Variants in LUZP2 observed in about 807,000 individuals in gnomAD.
The protein encoded by LUZP2 is leucine zipper protein 2.
LUZP2 carries 52 observed loss-of-function variants against 51.6 expected under a neutral mutation model. The ratio of observed to expected loss-of-function variants is 1.01; its 90% CI spans 0.81 to 1.27. The LOEUF (loss-of-function observed/expected upper bound fraction) is 1.27. Among genes scored for constraint, LUZP2 ranks in the 50% most tolerant of loss-of-function variants. The probability of loss-of-function intolerance (pLI) is 0.00; values close to 1 mark genes in which losing one functional copy is unlikely to be tolerated. For synonymous variants in LUZP2, 154 were observed against 137.3 expected (o/e 1.12, Z -0.85); for missense variants, 436 against 395.4 (o/e 1.10, Z -0.87).
At chr11:24,554,353 G>T (rs1851806337) in intron 1 of LUZP2, among the ~76,000 whole-genome samples, 1 of 151,918 alleles carries the variant, frequency 6.6e-6, no homozygotes, top group South Asian at 2.1e-4. Context: ...AATGTATTTG[G>T]CATGAAAGTA....
At chr11:24,747,653 G>A (rs943325667) in intron 4 of LUZP2, among the ~76,000 whole-genome samples, 1 of 152,048 alleles carries the variant, frequency 6.6e-6, no homozygotes, top group Non-Finnish European at 1.5e-5. Flanking sequence ...GGCTACCAGG[G>A]TGCATAGGGA....
intron 1 of LUZP2, among the ~76,000 whole-genome samples, chr11:24,550,347 C>T (rs1851688776): frequency 3.9e-5 from 6 of 152,034 alleles, no homozygotes. Context: ...ATCAATTACA[C>T]ACATTATTTC....
intron 10 of LUZP2, among the ~76,000 whole-genome samples, chr11:25,052,504 C>G (rs1035199081): frequency 1.3e-5 from 2 of 152,140 alleles, no homozygotes; most frequent in African/African-American, 4.8e-5. Context: ...CATAAGAACC[C>G]TCTGGGGAGC....
chr11:24,979,712 G>C (rs776435411), intron 8 of LUZP2, among the ~76,000 whole-genome samples: 3 of 151,738 alleles, frequency 2.0e-5, no homozygotes, highest in Non-Finnish European at 4.4e-5. Flanking sequence ...TCAGCTACTG[G>C]AATATAAAAG....
chr11:24,886,570 A>G (rs1852672408), intron 5 of LUZP2, among the ~76,000 whole-genome samples: 1 of 152,202 alleles, frequency 6.6e-6, no homozygotes, highest in Non-Finnish European at 1.5e-5. Context: ...TTATAAGAAG[A>G]ACATTCTTTA....
chr11:24,700,849 GAT>G (rs542991802), intron 1 of LUZP2, among the ~76,000 whole-genome samples: 6 of 151,926 alleles, frequency 3.9e-5, no homozygotes, highest in Non-Finnish European at 7.4e-5. Context: ...AAAATTAAAA[GAT>G]ATATATATGA....
chr11:24,727,411 G>T (rs911045587), intron 1 of LUZP2, among the ~76,000 whole-genome samples: 1 of 151,986 alleles, frequency 6.6e-6, no homozygotes, highest in East Asian at 1.9e-4. Flanking sequence ...TATAAAATAG[G>T]TACGGATGTG....
intron 5 of LUZP2, among the ~76,000 whole-genome samples, chr11:24,894,438 G>A (rs1333725598): frequency 6.6e-6 from 1 of 152,130 alleles, no homozygotes; most frequent in Non-Finnish European, 1.5e-5. Context: ...GCCTCCCAAA[G>A]TGTTGGGATT....
At chr11:25,037,031 C>G (rs1857887752) in intron 9 of LUZP2, among the ~76,000 whole-genome samples, 1 of 152,040 alleles carries the variant, frequency 6.6e-6, no homozygotes, top group Non-Finnish European at 1.5e-5. Flanking sequence ...CCTCGATGAT[C>G]TGTCTAATTC....
At chr11:24,939,883 T>A (rs541072933) in intron 7 of LUZP2, among the ~76,000 whole-genome samples, 1 of 152,286 alleles carries the variant, frequency 6.6e-6, no homozygotes, top group Non-Finnish European at 1.5e-5. Context: ...GGACATCACC[T>A]TTCTTCTCAG....
At chr11:24,550,371 A>C (rs1288955939) in intron 1 of LUZP2, among the ~76,000 whole-genome samples, 1 of 152,154 alleles carries the variant, frequency 6.6e-6, no homozygotes. Context: ...TTTGACTAAT[A>C]CAATTATAAA....
intron 3 of LUZP2, among the ~76,000 whole-genome samples, chr11:24,734,758 A>T (rs966926751): frequency 6.6e-6 from 1 of 151,984 alleles, no homozygotes; most frequent in African/African-American, 2.4e-5. Flanking sequence ...AAGAGAAAAA[A>T]TATCACCTTT....
At position 25,080,283 on chromosome 11, in the gene LUZP2, T is replaced by C. The variant is rs1650389773; in HGVS notation, c.*1625T>C. 1 of 152,150 alleles carries C rather than the reference T, an allele frequency of 6.6e-6. No individual in the cohort carries two copies. The highest frequency in any genetic ancestry group is 2.1e-4 in the South Asian group (1 of 4,826). The allele number at this position is 152,150 out of a possible 1,614,324, so 9.4% of individuals were successfully genotyped here. On this transcript the variant is annotated 3_prime_UTR_variant, in exon 12 of 12. Coordinates refer to ENST00000336930, the MANE Select transcript of LUZP2 (RefSeq NM_001009909.4). ...ATAAAATAGGGTTTGTGTTAGACAA[T>C]TTGCCCAACTGTAGGATGAGGTATA... is the stretch of plus-strand genomic sequence containing the variant.
chr11:25,045,487 A>G (rs4923235), intron 9 of LUZP2, among the ~76,000 whole-genome samples: 1 of 151,812 alleles, frequency 6.6e-6, no homozygotes, highest in African/African-American at 2.4e-5. Context: ...CTAAAATGTC[A>G]AAGTCCCATA....
intron 5 of LUZP2, chr11:24,785,883 C>CTT: frequency 1.0e-6 from 1 of 985,322 alleles, no homozygotes; most frequent in Non-Finnish European, 1.2e-6. Flanking sequence ...CCTAAAAATA[C>CTT]TTTGTTCCAA....
In LUZP2 at chr11:24,914,509, C is replaced by T. The variant is rs1215809915; in HGVS notation, c.493C>T (p.Arg165Cys). The part of the protein sequence containing the change: ...KKIQAQLKEL[R>C]YGKKDLLFKA... ...AATCCAAGCCCAGCTGAAGGAGCTT[C>T]GTTATGGGAAGAAGGATTTATTATT... Residue 165 changes from arginine to cysteine, a missense_variant, in exon 7 of 12, where the codon CGT becomes TGT. Transcript: ENST00000336930. 4.3e-6 allele frequency: 7 copies of T among 1,609,380 alleles called. No homozygotes were observed. Among genetic ancestry groups the T allele is most frequent in the East Asian group, 4.5e-5 (2 of 44,606 alleles).
intron 7 of LUZP2, among the ~76,000 whole-genome samples, chr11:24,965,480 A>G (rs1349913346): frequency 1.3e-5 from 2 of 151,684 alleles, no homozygotes; most frequent in African/African-American, 4.8e-5. Flanking sequence ...TTGTGCTTTA[A>G]TAACTCACAA....
rs79848174 is a variant in LUZP2 at position 24,596,420 on chromosome 11, T to A, written c.62+99115T>A. On this transcript the variant is annotated intron_variant, in intron 1 of 11. Transcript: ENST00000336930. ...TTTGAACTAAACTTAATGAGAGATT[T>A]GTAGGACTTTTATGCAATAATAGGA... is the stretch of plus-strand genomic sequence containing the variant. Among the ~76,000 whole-genome samples, 1,286 of 152,310 alleles carry A rather than the reference T, an allele frequency of 8.4e-3. 15 individuals carry two copies. Among genetic ancestry groups the A allele is most frequent in the African/African-American group, 0.028 (1,166 of 41,568 alleles).
intron 7 of LUZP2, among the ~76,000 whole-genome samples, chr11:24,947,734 G>A (rs1010075905): frequency 6.6e-5 from 10 of 151,726 alleles, no homozygotes; most frequent in Non-Finnish European, 1.0e-4. Context: ...ATATAAAATC[G>A]TTGGGTGATA....
Sources: gnomAD v4.1 joint callset for allele counts (sites outside exome capture counted in the v4.1 genomes callset) on GRCh38, gnomAD v4.1.1 for gene constraint, MANE v1.5 for transcripts, NCBI Gene and HGNC (gene_info 2026-07-23, HGNC 2026-07-21) for gene names.